The following SPATA3 variants were observed in gnomAD, a reference collection of about 807,000 sequenced individuals.
The protein encoded by SPATA3 is spermatogenesis-associated protein 3.
Under a neutral mutation model 5.7 loss-of-function variants are expected in SPATA3, and 6 were observed. The ratio of observed to expected loss-of-function variants is 1.06; its 90% CI spans 0.58 to 2.09. The LOEUF is 2.09. Ranked by LOEUF, SPATA3 falls within the 30% of genes most tolerant of loss-of-function variation. SPATA3 has a pLI of 0.00. For missense variants in SPATA3, 155 were observed against 130.4 expected, an observed-to-expected ratio of 1.19 and a Z score of -0.92; for synonymous variants, 44 against 48.4, an observed-to-expected ratio of 0.91 and a Z score of 0.37.
At chr2:230,999,329 G>A (rs1040874899) in intron 1 of SPATA3, among the ~76,000 whole-genome samples, 1 of 152,088 alleles carries the variant, frequency 6.6e-6, no homozygotes, top group African/African-American at 2.4e-5. Flanking sequence ...AAAACTTTGT[G>A]AATATACTAA....
chr2:231,006,201 GAAAAAA>G (rs34214730), downstream of SPATA3, among the ~76,000 whole-genome samples: 1 of 104,048 alleles, frequency 9.6e-6, no homozygotes, highest in Non-Finnish European at 1.9e-5. Flanking sequence ...CCTGTCTCAA[GAAAAAA>G]AAAAAAAAAA....
Position 231,000,404 on chromosome 2 carries a change from G to GC in SPATA3, c.831dup (p.Thr278HisfsTer17), listed in dbSNP as rs1373065967. The stretch of plus-strand genomic sequence containing the variant: ...CGCCGGCCCGCATTCCTGCTCCTGT[G>GC]CCACTTGCCCCTGCAGCTCCGCTTG... On this transcript the variant is annotated frameshift_variant, in exon 2 of 3. Coordinates refer to ENST00000645363, the Ensembl canonical transcript of SPATA3. LOFTEE classifies it high-confidence loss of function. The GC allele has an allele frequency of 6.5e-7, 1 of 1,536,556 alleles. No homozygotes were observed.
At chr2:231,019,787 G>C (rs919673939) in exon 7 of SPATA3, 1 of 150,752 alleles carries the variant, frequency 6.6e-6, no homozygotes, top group Non-Finnish European at 1.5e-5. Flanking sequence ...CTAAGAACAA[G>C]CCATCTGATG....
At chr2:230,997,959 G>A (rs1188550727) in intron 1 of SPATA3, among the ~76,000 whole-genome samples, 1 of 152,190 alleles carries the variant, frequency 6.6e-6, no homozygotes, top group Non-Finnish European at 1.5e-5. Context: ...GAGTCAAACA[G>A]GTTGCTCCTG....
At chr2:231,017,747 G>C (rs1238976691) in intron 6 of SPATA3, among the ~76,000 whole-genome samples, 19 of 152,214 alleles carry the variant, frequency 1.2e-4, no homozygotes, top group Admixed American at 1.2e-3. Flanking sequence ...GCAGACACAG[G>C]ATAGCTCTGG....
chr2:230,996,133 A>G (rs6722863), intron 1 of SPATA3: 1,266,165 of 1,327,488 alleles, frequency 0.95, 604,065 homozygotes, highest in East Asian at 1. Context: ...CTGGAGGCCC[A>G]AGCCAGGCTC....
intron 1 of SPATA3, chr2:230,996,390 T>A (rs1279161975): frequency 2.0e-6 from 3 of 1,534,970 alleles, no homozygotes; most frequent in Non-Finnish European, 2.6e-6. Context: ...TAGCCCTGAA[T>A]CCACACCACA....
chr2:231,005,210 A>T (rs1692528039), downstream of SPATA3, among the ~76,000 whole-genome samples: 2 of 149,976 alleles, frequency 1.3e-5, no homozygotes, highest in South Asian at 4.3e-4. Flanking sequence ...CATCACCATC[A>T]TCACCACCAT....
At chr2:231,017,734 G>T (rs1692969092) in intron 6 of SPATA3, among the ~76,000 whole-genome samples, 1 of 152,206 alleles carries the variant, frequency 6.6e-6, no homozygotes, top group South Asian at 2.1e-4. Flanking sequence ...ATTCAGAGGG[G>T]CTGCAGACAC....
chr2:231,007,500 A>G (rs76445221), downstream of SPATA3, among the ~76,000 whole-genome samples: 573 of 152,252 alleles, frequency 3.8e-3, 5 homozygotes, highest in African/African-American at 0.013. Context: ...TTCTCACTCT[A>G]AAGGAAGGGA....
downstream of SPATA3, among the ~76,000 whole-genome samples, chr2:231,007,907 G>T (rs562171264): frequency 1.3e-5 from 2 of 152,212 alleles, no homozygotes; most frequent in Non-Finnish European, 2.9e-5. Flanking sequence ...GACTTTGGGA[G>T]GCCAAGACAG....
chr2:231,012,553 T>C (rs1295362814), intron 4 of SPATA3: 3 of 152,194 alleles, frequency 2.0e-5, no homozygotes, highest in Admixed American at 1.3e-4. Flanking sequence ...GTTTAGTTGT[T>C]TTTTTCTAAT....
At chr2:231,006,243 T>G (rs556283074), downstream of SPATA3, among the ~76,000 whole-genome samples, 3 of 146,944 alleles carry the variant, frequency 2.0e-5, no homozygotes, top group Non-Finnish European at 4.5e-5. Flanking sequence ...GGCTCACGCC[T>G]GTAATCCCAG....
At chr2:231,016,597 A>G (rs1473353713) in intron 6 of SPATA3, among the ~76,000 whole-genome samples, 1 of 152,014 alleles carries the variant, frequency 6.6e-6, no homozygotes, top group Admixed American at 6.5e-5. Flanking sequence ...AGGCAGGAAA[A>G]TCATGTGAAC....
At chr2:231,018,451 A>G (rs1382239138) in intron 6 of SPATA3, among the ~76,000 whole-genome samples, 1 of 135,916 alleles carries the variant, frequency 7.4e-6, no homozygotes, top group Non-Finnish European at 1.6e-5. Flanking sequence ...TCCTTTCCAT[A>G]TGGTATAGAA....
At chr2:231,002,319 AGTGAAGTGATAGAACTTACCTCATAGG>A (rs1462828568) in intron 2 of SPATA3, among the ~76,000 whole-genome samples, 4 of 152,058 alleles carry the variant, frequency 2.6e-5, no homozygotes, top group Non-Finnish European at 5.9e-5. Context: ...CTCTCAATGG[AGTGAAGTGATAGAACTTACCTCATAGG>A]GTTGTTGTGA....
intron 2 of SPATA3, among the ~76,000 whole-genome samples, chr2:231,001,362 C>G (rs146339151): frequency 1.3e-5 from 2 of 152,128 alleles, no homozygotes; most frequent in Non-Finnish European, 2.9e-5. Flanking sequence ...TTCCACTTGG[C>G]GACCTCACAC....
downstream of SPATA3, among the ~76,000 whole-genome samples, chr2:231,006,487 C>G (rs1235827630): frequency 3.4e-5 from 5 of 148,406 alleles, no homozygotes; most frequent in Non-Finnish European, 7.4e-5. Context: ...TGGGCAACAA[C>G]AGCGAAACTC....
chr2:230,999,293 G>A (rs548251895), intron 1 of SPATA3, among the ~76,000 whole-genome samples: 62 of 151,236 alleles, frequency 4.1e-4, no homozygotes, highest in East Asian at 1.7e-3. Context: ...AAATGAAGAC[G>A]TTCTGAAATT....
Sources: allele counts gnomAD v4.1 joint callset (sites outside exome capture counted in the v4.1 genomes callset), GRCh38; gene constraint gnomAD v4.1.1; transcripts MANE v1.5; gene names NCBI Gene and HGNC (gene_info 2026-07-23, HGNC 2026-07-21).